The following ADAMTSL5 variants were observed in gnomAD, a reference collection of about 807,000 sequenced individuals.
The protein encoded by ADAMTSL5 is ADAMTS like 5, also known as ADAMTS-like protein 5.
Under a neutral mutation model 51.7 loss-of-function variants are expected in ADAMTSL5, and 53 were observed. That is an observed-to-expected ratio of 1.03 (90% CI 0.82 to 1.29). The LOEUF (loss-of-function observed/expected upper bound fraction) is 1.29. Ranked by LOEUF, ADAMTSL5 falls within the 50% of genes most tolerant of loss-of-function variation. The probability of loss-of-function intolerance (pLI) is 0.00; values close to 1 mark genes in which losing one functional copy is unlikely to be tolerated. For missense variants in ADAMTSL5, 770 were observed against 676.2 expected (o/e 1.14, Z -1.54); for synonymous variants, 285 against 278.7 (o/e 1.02, Z -0.23).
At position 1,505,759 on chromosome 19, in the gene ADAMTSL5, T is replaced by C; in HGVS notation, c.*256A>G. 2.3e-6 allele frequency: 1 copy of C among 444,400 alleles called. No homozygotes were observed. The highest frequency in any genetic ancestry group is 4.0e-6 in the Non-Finnish European group (1 of 252,852). 27.5% of individuals were successfully genotyped at this position (444,400 alleles called of 1,614,324 possible). ...TGAGTATAAATAGCTATGAGCTTCC[T>C]GGCAGCCAAGGAGAGAGGCGAAATA... On this transcript the variant is annotated 3_prime_UTR_variant, in exon 12 of 12. Coordinates refer to ENST00000330475, the MANE Select transcript of ADAMTSL5 (RefSeq NM_213604.3).
intron 1 of ADAMTSL5, among the ~76,000 whole-genome samples, chr19:1,512,564 C>A (rs1172309647): frequency 6.6e-6 from 1 of 152,184 alleles, no homozygotes; most frequent in Non-Finnish European, 1.5e-5. Flanking sequence ...CCTGTAATCC[C>A]AGCTACTTGG....
In ADAMTSL5 at chr19:1,506,175, A is replaced by G. The variant is rs982971541; in HGVS notation, c.1256T>C (p.Met419Thr). ...VWAPGHCPCP[M>T]LAPHRDYLMA... ...CAGGTAGTCCCGGTGGGGTGCCAGCATCGGGCAGGGGCAGTGGCCTGGCGC... is the reference window on the plus strand; with the variant it reads ...CAGGTAGTCCCGGTGGGGTGCCAGCGTCGGGCAGGGGCAGTGGCCTGGCGC... Residue 419 changes from methionine to threonine, a missense_variant, in exon 12 of 12, where the codon ATG (methionine) becomes ACG (threonine). Met to Thr is a moderately conservative substitution (Grantham distance 81). Transcript: ENST00000330475. The surrounding 1 kb of genome is among the most constrained non-coding windows in gnomAD (Gnocchi z 5.6). 3.1e-6 allele frequency: 5 copies of G among 1,609,336 alleles called. No individual in the cohort carries two copies. Among genetic ancestry groups the G allele is most frequent in the South Asian group, 1.1e-5 (1 of 90,684 alleles).
chr19:1,506,524 G>T lies in ADAMTSL5; in HGVS notation c.1114+66C>A. 1.3e-6 allele frequency: 2 copies of T among 1,553,880 alleles called. No individual in the cohort carries two copies. The highest frequency in any genetic ancestry group is 1.8e-6 in the Non-Finnish European group (2 of 1,138,186). On this transcript the variant is annotated intron_variant, in intron 11 of 11. Coordinates refer to ENST00000330475, the MANE Select transcript of ADAMTSL5 (RefSeq NM_213604.3). This position sits in a 1 kb window ranked among gnomAD's most constrained non-coding sequence, Gnocchi z 5.6. ...AGGGGTCAAGGGTAAAGTCAGATTA[G>T]GGTCAGAGGTCAGGAGGAGGCCAGG...
At chr19:1,509,297 G>C (rs1205784127) in intron 5 of ADAMTSL5, among the ~76,000 whole-genome samples, 2 of 150,486 alleles carry the variant, frequency 1.3e-5, no homozygotes, top group Admixed American at 6.6e-5. Context: ...TGAGCATCTG[G>C]CCCAGGCACC....
intron 1 of ADAMTSL5, among the ~76,000 whole-genome samples, chr19:1,512,628 C>G (rs1035120832): frequency 6.6e-6 from 1 of 151,994 alleles, no homozygotes; most frequent in Non-Finnish European, 1.5e-5. Context: ...TGCAGTGAGC[C>G]GAGATGGGGC....
intron 9 of ADAMTSL5, 50 bp downstream of exon 9, chr19:1,507,192 C>T (rs1447497088): frequency 1.3e-6 from 2 of 1,515,756 alleles, no homozygotes; most frequent in East Asian, 2.3e-5. Context: ...CAGCCTCTCC[C>T]CTCTGTCCCC....
In ADAMTSL5 at chr19:1,505,708, GAGAA is replaced by G. The variant is rs1239371673; in HGVS notation, c.*303_*306del. Reference sequence around the variant, plus strand: ...TCCAAGCAAGTGTGACGCGCGCAAAGAGAAAGAAAGCAGCGTTAAACTTTCTGAG... The same window carrying G: ...TCCAAGCAAGTGTGACGCGCGCAAAGAGAAAGCAGCGTTAAACTTTCTGAG... On this transcript the variant is annotated 3_prime_UTR_variant, in exon 12 of 12. Transcript: ENST00000330475. 3.0e-6 allele frequency: 1 copy of G among 332,048 alleles called. No homozygotes were observed. Among genetic ancestry groups the G allele is most frequent in the African/African-American group, 2.2e-5 (1 of 46,392 alleles). The allele number at this position is 332,048 out of a possible 1,614,324, so 20.6% of individuals were successfully genotyped here.
At chr19:1,507,745 G>A (rs919157472) in intron 7 of ADAMTSL5, 102 bp from the exon 8 acceptor site, 6 of 1,246,998 alleles carry the variant, frequency 4.8e-6, no homozygotes, top group Non-Finnish European at 6.9e-6. Flanking sequence ...GCTAGCCAGG[G>A]TCCTGGGAAC....
In ADAMTSL5 at chr19:1,506,849, C is replaced by G. The variant is rs760330533; in HGVS notation, c.932G>C (p.Arg311Pro). ...CAGGGGCCAGCCCAGGGCCTGCACA[C>G]GAGCCTGGAAGGGGCTGTAGCGCTC... ...PRERYSPFQA[R>P]VQALGWPLRQ... Residue 311 changes from arginine to proline, a missense_variant, in exon 10 of 12, where the codon CGT becomes CCT. Coordinates refer to ENST00000330475, the MANE Select transcript of ADAMTSL5 (RefSeq NM_213604.3). The surrounding 1 kb of genome is among the most constrained non-coding windows in gnomAD (Gnocchi z 5.6). The G allele has an allele frequency of 1.3e-5, 20 of 1,543,570 alleles. No individual in the cohort carries two copies. The highest frequency in any genetic ancestry group is 1.2e-4 in the East Asian group (5 of 40,896).
intron 5 of ADAMTSL5, 38 bp downstream of exon 5, chr19:1,510,112 C>A (rs1342903650): frequency 6.5e-7 from 1 of 1,530,072 alleles, no homozygotes; most frequent in Non-Finnish European, 8.9e-7. Flanking sequence ...GTTGTTCGCT[C>A]TGGACCAATT....
intron 5 of ADAMTSL5, 170 bp from the exon 6 acceptor site, chr19:1,508,740 T>C: frequency 1.3e-6 from 1 of 782,376 alleles, no homozygotes; most frequent in East Asian, 3.3e-5. Flanking sequence ...GTGCTCTGCG[T>C]CCAGCAACCT....
In ADAMTSL5 at chr19:1,506,115, G is replaced by A; in HGVS notation, c.1316C>T (p.Thr439Ile). 6.2e-7 allele frequency: 1 copy of A among 1,607,246 alleles called. No homozygotes were observed. Among genetic ancestry groups the A allele is most frequent in the Non-Finnish European group, 8.5e-7 (1 of 1,178,062 alleles). ...AVQRLVSPDG[T>I]QDQLLLPHAG... is the part of the protein sequence containing the mutation. ...GTGGGGCAGCAGCAGCTGGTCCTGT[G>A]TGCCGTCGGGGCTGACAAGACGCTG... The change falls in exon 12 of 12, where the codon ACA (threonine) becomes ATA (isoleucine). Residue 439 changes from threonine to isoleucine, a missense_variant. By Grantham distance (89) the Thr-to-Ile change is moderately conservative. Coordinates refer to ENST00000330475, the MANE Select transcript of ADAMTSL5 (RefSeq NM_213604.3). The surrounding 1 kb of genome is among the most constrained non-coding windows in gnomAD (Gnocchi z 5.6).
intron 6 of ADAMTSL5, 136 bp from the exon 7 acceptor site, chr19:1,508,245 C>A (rs528175490): frequency 5.5e-5 from 44 of 795,130 alleles, no homozygotes; most frequent in Non-Finnish European, 6.2e-5. Context: ...CAGGACCTGG[C>A]GGGAGGAGGA....
rs771316224 is a variant in ADAMTSL5, at chr19:1,510,652, G to A, written c.178C>T (p.Arg60Trp). 1.5e-4 allele frequency: 233 copies of A among 1,537,564 alleles called. 1 individual carries two copies. The highest frequency in any genetic ancestry group is 8.8e-4 in the Admixed American group (44 of 50,002). Residue 60 changes from arginine to tryptophan, a missense_variant, in exon 3 of 12, where the codon CGG becomes TGG. Arg to Trp is a moderately radical substitution (Grantham distance 101). Coordinates refer to ENST00000330475, the MANE Select transcript of ADAMTSL5 (RefSeq NM_213604.3). ...SCGRGVSVRSRRCLRLPGEEP... is the reference protein window; with the variant it reads ...SCGRGVSVRSWRCLRLPGEEP... ...GGCCCCGCTCACCGGAGGCAGCGCC[G>A]GCTGCGCACAGAGACGCCACGCCCG...
At position 1,508,080 on chromosome 19, in the gene ADAMTSL5, C is replaced by G; in HGVS notation, c.519G>C (p.Ser173=). Reference sequence around the variant, plus strand: ...GGCCACAGCGGTCCTCGAGGGCACCCGAGCCCAACAACCCATCACAGCCGG... The same window carrying G: ...GGCCACAGCGGTCCTCGAGGGCACCGGAGCCCAACAACCCATCACAGCCGG... The part of the protein sequence containing the change: ...LSAGCDGLLG[S]GALEDRCGRC... The change falls in exon 7 of 12, where the codon TCG becomes TCC. Residue 173 remains serine (S), a synonymous_variant. Coordinates refer to ENST00000330475, the MANE Select transcript of ADAMTSL5 (RefSeq NM_213604.3). The G allele has an allele frequency of 1.2e-6, 2 of 1,610,458 alleles. No individual in the cohort carries two copies. Among genetic ancestry groups the G allele is most frequent in the Non-Finnish European group, 1.7e-6 (2 of 1,179,014 alleles).
intron 9 of ADAMTSL5, 108 bp downstream of exon 9, chr19:1,507,134 A>G: frequency 1.1e-6 from 1 of 945,428 alleles, no homozygotes; most frequent in Non-Finnish European, 1.3e-6. Context: ...CTCTGACCCC[A>G]GACTCCCCCT....
chr19:1,512,774 C>T (rs941827103), intron 1 of ADAMTSL5, among the ~76,000 whole-genome samples, 189 bp downstream of exon 1: 1 of 152,108 alleles, frequency 6.6e-6, no homozygotes, highest in South Asian at 2.1e-4. Flanking sequence ...GAGTGGGGGT[C>T]TAGGTGGTGA....
At chr19:1,508,624 C>T in intron 5 of ADAMTSL5, 54 bp from the exon 6 acceptor site, 1 of 1,455,110 alleles carries the variant, frequency 6.9e-7, no homozygotes, top group Non-Finnish European at 9.1e-7. Context: ...CTCCAGTCCC[C>T]CTCTACCAAG....
In ADAMTSL5 at chr19:1,510,446, G is replaced by A; in HGVS notation, c.192-18C>T. 6.2e-7 allele frequency: 1 copy of A among 1,602,046 alleles called. No homozygotes were observed. The highest frequency in any genetic ancestry group is 8.5e-7 in the Non-Finnish European group (1 of 1,175,632). On this transcript the variant is annotated intron_variant, in intron 3 of 11. Transcript: ENST00000330475. ...CAGGAAGCCTGAAGGGAGACAGAGT[G>A]TGGCGAGAACCCCCAGGGACCCCCT...
Sources: allele counts gnomAD v4.1 joint callset (sites outside exome capture counted in the v4.1 genomes callset), GRCh38; gene constraint gnomAD v4.1.1; non-coding constraint Gnocchi (gnomAD v3.1); transcripts MANE v1.5; gene names NCBI Gene and HGNC (gene_info 2026-07-23, HGNC 2026-07-21).